PALM2AKAP2: variants seen among roughly 807,000 people sequenced by gnomAD.
PALM2AKAP2 encodes the protein PALM2-AKAP2 fusion protein.
In PALM2AKAP2, 37 loss-of-function variants were observed where a neutral mutation model predicts 71.5. The observed-to-expected ratio is 0.52, with a 90% CI of 0.40 to 0.68. The LOEUF (loss-of-function observed/expected upper bound fraction) is 0.68. Ranked by LOEUF, PALM2AKAP2 falls within the 30% of genes least tolerant of loss-of-function variation. The pLI is 0.00. For missense variants in PALM2AKAP2, 1,224 were observed against 1,191.8 expected, an observed-to-expected ratio of 1.03 and a Z score of -0.40; for synonymous variants, 468 against 478.8, an observed-to-expected ratio of 0.98 and a Z score of 0.29.
intron 6 of PALM2AKAP2, chr9:109,945,640 C>G (rs1368770348): frequency 6.6e-6 from 1 of 152,218 alleles, no homozygotes; most frequent in East Asian, 1.9e-4. Context: ...CATAGCTTAT[C>G]TTTTCTACTC....
rs533004957 is a variant in PALM2AKAP2, at chr9:109,910,327, G to A, written c.258-13408G>A. On this transcript the variant is annotated intron_variant, in intron 3 of 9. Transcript: ENST00000302798. ...TATATGTTGTGTATGTGGACCATCC[G>A]GGTGGAGACATTCAAAATACAATTG... 5.3e-5 allele frequency among the ~76,000 whole-genome samples: 8 copies of A among 152,270 alleles called. No homozygotes were observed. In the South Asian group the frequency reaches 1.0e-3, roughly 20 times the overall value.
At chr9:109,874,432 G>A (rs1564190736) in intron 2 of PALM2AKAP2, among the ~76,000 whole-genome samples, 2 of 152,196 alleles carry the variant, frequency 1.3e-5, no homozygotes, top group South Asian at 2.1e-4. Context: ...TGATACCATG[G>A]ATAAGTCAGT....
intron 1 of PALM2AKAP2, among the ~76,000 whole-genome samples, chr9:109,855,981 G>A (rs1829153968): frequency 6.6e-6 from 1 of 152,132 alleles, no homozygotes; most frequent in Non-Finnish European, 1.5e-5. Context: ...TAACAAAGTG[G>A]TAGTTTCTTT....
chr9:110,125,180 A>G (rs1303252834), intron 1 of PALM2AKAP2, among the ~76,000 whole-genome samples: 1 of 152,096 alleles, frequency 6.6e-6, no homozygotes. Context: ...TTGCTGCCTC[A>G]ATACCCCTGG....
chr9:109,792,532 A>G (rs1231366825), intron 1 of PALM2AKAP2, among the ~76,000 whole-genome samples: 1 of 152,000 alleles, frequency 6.6e-6, no homozygotes, highest in Non-Finnish European at 1.5e-5. Context: ...TCACCCCCAA[A>G]AGTCTCCCAG....
chr9:109,805,019 G>A (rs1427493786), intron 1 of PALM2AKAP2, among the ~76,000 whole-genome samples: 1 of 152,046 alleles, frequency 6.6e-6, no homozygotes, highest in Non-Finnish European at 1.5e-5. Flanking sequence ...AATTTCTCAT[G>A]CCGTTATAAA....
rs1343520942 is a variant in PALM2AKAP2, at chr9:110,032,739, T to TAAAA, written c.582+16701_582+16704dup. Among the ~76,000 whole-genome samples, 528 of 111,708 alleles carry TAAAA rather than the reference T, an allele frequency of 4.7e-3. 7 individuals are homozygous for TAAAA. The highest frequency in any genetic ancestry group is 0.016 in the African/African-American group (514 of 32,038). 73.3% of individuals were successfully genotyped at this position (111,708 alleles called of 152,430 possible). On this transcript the variant is annotated intron_variant, in intron 7 of 9. Coordinates refer to the PALM2AKAP2 transcript ENST00000302798. Reference sequence around the variant, plus strand: ...ATAAATAAATAAATAAATAAATAAATAAAATAAAAAATAAAAAAACAAAAA... The same window carrying TAAAA: ...ATAAATAAATAAATAAATAAATAAATAAAAAAAATAAAAAATAAAAAAACAAAAA...
intron 1 of PALM2AKAP2, among the ~76,000 whole-genome samples, chr9:109,793,595 G>A (rs536615560): frequency 6.6e-6 from 1 of 152,274 alleles, no homozygotes; most frequent in East Asian, 1.9e-4. Context: ...TCACAAGGAG[G>A]CAAGGAGGAA....
At chr9:110,025,855 TC>T (rs1479655830) in intron 7 of PALM2AKAP2, among the ~76,000 whole-genome samples, 2 of 152,212 alleles carry the variant, frequency 1.3e-5, no homozygotes, top group African/African-American at 4.8e-5. Context: ...TGGCTTGATT[TC>T]CTTTTTTGCC....
intron 6 of PALM2AKAP2, chr9:109,943,517 G>T: frequency 6.8e-7 from 1 of 1,471,818 alleles, no homozygotes; most frequent in Non-Finnish European, 9.0e-7. Context: ...ACTGTGAACT[G>T]GAAGCAAACA....
At chr9:110,163,659 A>G (rs1410813982) in intron 3 of PALM2AKAP2, among the ~76,000 whole-genome samples, 1 of 152,044 alleles carries the variant, frequency 6.6e-6, no homozygotes, top group Non-Finnish European at 1.5e-5. Flanking sequence ...TCTGCTCCTG[A>G]CTTTGTTCTG....
upstream of PALM2AKAP2, among the ~76,000 whole-genome samples, chr9:109,778,768 A>ATTT (rs34459734): frequency 0.2 from 27,707 of 141,200 alleles, 3,135 homozygotes; most frequent in Middle Eastern, 0.32. Flanking sequence ...TTTGATGTGC[A>ATTT]TTTTTTTTTT....
intron 3 of PALM2AKAP2, among the ~76,000 whole-genome samples, chr9:109,887,207 A>G (rs1829984893): frequency 6.6e-6 from 1 of 152,262 alleles, no homozygotes; most frequent in Non-Finnish European, 1.5e-5. Context: ...CAAGAAGATG[A>G]CAGTTACTTA....
At chr9:110,059,734 A>G (rs896447327) in intron 1 of PALM2AKAP2, among the ~76,000 whole-genome samples, 1 of 152,194 alleles carries the variant, frequency 6.6e-6, no homozygotes, top group East Asian at 1.9e-4. Flanking sequence ...TCTTCCCAGG[A>G]GTGGGAAGCC....
chr9:109,824,857 G>T (rs1277689684), intron 1 of PALM2AKAP2, among the ~76,000 whole-genome samples: 1 of 152,152 alleles, frequency 6.6e-6, no homozygotes, highest in Non-Finnish European at 1.5e-5. Context: ...ATACTGTTTT[G>T]TTTTTCTTTT....
intron 3 of PALM2AKAP2, among the ~76,000 whole-genome samples, chr9:109,904,806 A>G (rs1346662977): frequency 6.6e-6 from 1 of 152,198 alleles, no homozygotes; most frequent in South Asian, 2.1e-4. Context: ...AAGAGTTCAC[A>G]TTTCAAGTGG....
chr9:110,023,495 G>A (rs1165484217), intron 7 of PALM2AKAP2, among the ~76,000 whole-genome samples: 2 of 151,530 alleles, frequency 1.3e-5, no homozygotes, highest in African/African-American at 4.8e-5. Context: ...TGTATTTTTA[G>A]TAGAGACGGG....
At chr9:110,163,452 C>T (rs369967582) in intron 3 of PALM2AKAP2, among the ~76,000 whole-genome samples, 3 of 152,312 alleles carry the variant, frequency 2.0e-5, no homozygotes, top group Admixed American at 1.3e-4. Context: ...ATTGCAAATA[C>T]AATTTAAGCC....
chr9:109,891,487 G>T (rs186124783), intron 3 of PALM2AKAP2, among the ~76,000 whole-genome samples: 2 of 151,240 alleles, frequency 1.3e-5, no homozygotes, highest in Admixed American at 6.6e-5. Context: ...TCATCATTTT[G>T]TGTGTGTGTG....
Sources: gnomAD v4.1 joint callset for allele counts (sites outside exome capture counted in the v4.1 genomes callset) on GRCh38, gnomAD v4.1.1 for gene constraint, MANE v1.5 for transcripts, NCBI Gene and HGNC (gene_info 2026-07-23, HGNC 2026-07-21) for gene names.